The following KANK1 variants were observed in gnomAD, a reference collection of about 807,000 sequenced individuals.
The protein encoded by KANK1 is KN motif and ankyrin repeat domains 1.
KANK1 carries 109 observed loss-of-function variants against 106.2 expected under a neutral mutation model. The ratio of observed to expected loss-of-function variants is 1.03; its 90% CI spans 0.88 to 1.20. The LOEUF (loss-of-function observed/expected upper bound fraction) is 1.20. Ranked by LOEUF, KANK1 falls within the 50% of genes most tolerant of loss-of-function variation. The pLI is 0.00. For missense variants in KANK1, 2,399 were observed against 1,710.7 expected (o/e 1.40, Z -7.10); for synonymous variants, 873 against 652.2 (o/e 1.34, Z -5.16).
intron 1 of KANK1, among the ~76,000 whole-genome samples, chr9:664,575 A>G (rs1366747513): frequency 6.6e-6 from 1 of 152,086 alleles, no homozygotes; most frequent in African/African-American, 2.4e-5. Context: ...TTATTCATCC[A>G]TTGATGGACA....
In KANK1 at chr9:744,647, C is replaced by A. The variant is rs377595311; in HGVS notation, c.3996+58C>A. 1.3e-5 allele frequency: 21 copies of A among 1,613,492 alleles called. No homozygotes were observed. In the African/African-American group the frequency reaches 1.3e-4, roughly 10 times the overall value. On this transcript the variant is annotated intron_variant, in intron 11 of 11. Transcript: ENST00000382297. ...GCTGAAATCCACCAGACTGGTGGACCCCCTTCCTCCAGGAATTGACGGGAG... is the reference window on the plus strand; with the variant it reads ...GCTGAAATCCACCAGACTGGTGGACACCCTTCCTCCAGGAATTGACGGGAG...
Position 712,558 on chromosome 9 carries a change from A to C in KANK1, c.1792A>C (p.Ser598Arg). The part of the protein sequence containing the change: ...MCDKSVSVEV[S>R]VCETGSNTEE... The stretch of plus-strand genomic sequence containing the variant: ...TGACAAGAGTGTGAGTGTGGAAGTC[A>C]GCGTCTGCGAAACAGGCAGCAACAC... The change falls in exon 3 of 12, where the codon AGC (serine) becomes CGC (arginine). Residue 598 changes from serine (S) to arginine (R), a missense_variant. Transcript: ENST00000382297. 1.2e-6 allele frequency: 2 copies of C among 1,614,208 alleles called. No homozygotes were observed. Among genetic ancestry groups the C allele is most frequent in the Non-Finnish European group, 1.7e-6 (2 of 1,180,048 alleles).
chr9:675,132 G>A (rs1048322458), intron 1 of KANK1, among the ~76,000 whole-genome samples: 1 of 152,144 alleles, frequency 6.6e-6, no homozygotes, highest in African/African-American at 2.4e-5. Flanking sequence ...TCGTTTAAAT[G>A]TGTACATATA....
intron 3 of KANK1, among the ~76,000 whole-genome samples, chr9:724,059 C>T (rs1352565756): frequency 6.6e-6 from 1 of 151,914 alleles, no homozygotes; most frequent in Non-Finnish European, 1.5e-5. Context: ...AGAGATCACG[C>T]CACTGCACTC....
chr9:625,926 C>T (rs1428084674), intron 1 of KANK1, among the ~76,000 whole-genome samples: 1 of 152,090 alleles, frequency 6.6e-6, no homozygotes, highest in Non-Finnish European at 1.5e-5. Context: ...TCATCCTGAG[C>T]CTCTTATTCC....
intron 1 of KANK1, among the ~76,000 whole-genome samples, chr9:555,879 A>T (rs1487515229): frequency 6.6e-6 from 1 of 152,250 alleles, no homozygotes; most frequent in Non-Finnish European, 1.5e-5. Flanking sequence ...CTTCTGTTTA[A>T]ATAAAAACAA....
chr9:572,445 G>A (rs1004372639), intron 1 of KANK1, among the ~76,000 whole-genome samples: 3 of 152,070 alleles, frequency 2.0e-5, no homozygotes, highest in Non-Finnish European at 2.9e-5. Flanking sequence ...CCAGCTACTC[G>A]GGAAGCTGAG....
At chr9:486,584 G>T (rs1253470303) in intron 3 of KANK1, among the ~76,000 whole-genome samples, 2 of 152,076 alleles carry the variant, frequency 1.3e-5, no homozygotes, top group Non-Finnish European at 2.9e-5. Flanking sequence ...TTGGATGCAG[G>T]CACACTGGCT....
chr9:643,320 G>A (rs922462906), intron 1 of KANK1, among the ~76,000 whole-genome samples: 1 of 150,672 alleles, frequency 6.6e-6, no homozygotes, highest in South Asian at 2.1e-4. Flanking sequence ...TGTAGTTATT[G>A]TTTTAAGATC....
chr9:575,433 TG>T (rs979129129), intron 1 of KANK1, among the ~76,000 whole-genome samples: 8 of 143,374 alleles, frequency 5.6e-5, no homozygotes, highest in African/African-American at 2.1e-4. Context: ...TTTGGGAGAC[TG>T]AGCTGGGAGG....
chr9:641,031 A>G (rs1274663675), intron 1 of KANK1, among the ~76,000 whole-genome samples: 1 of 152,160 alleles, frequency 6.6e-6, no homozygotes, highest in Non-Finnish European at 1.5e-5. Context: ...GTGAAATTTT[A>G]AAAGAGAGAG....
chr9:473,270 G>A (rs1196989037), exon 3 of KANK1: 1 of 152,170 alleles, frequency 6.6e-6, no homozygotes, highest in African/African-American at 2.4e-5. Flanking sequence ...GACAGAATTT[G>A]AACGTGAGTC....
At chr9:604,686 C>T (rs11791403) in intron 1 of KANK1, among the ~76,000 whole-genome samples, 38,971 of 151,442 alleles carry the variant, frequency 0.26, 5,417 homozygotes, top group Admixed American at 0.34. Flanking sequence ...CAAAAATTAG[C>T]CGGGCGGGTG....
At chr9:572,132 T>A (rs7861777) in intron 1 of KANK1, among the ~76,000 whole-genome samples, 2 of 149,934 alleles carry the variant, frequency 1.3e-5, no homozygotes, top group African/African-American at 4.9e-5. Flanking sequence ...TCTTAACTTA[T>A]GGTTGTAATA....
chr9:570,479 C>G (rs1470499648), intron 1 of KANK1, among the ~76,000 whole-genome samples: 1 of 152,182 alleles, frequency 6.6e-6, no homozygotes, highest in Non-Finnish European at 1.5e-5. Context: ...AATCTGTGAC[C>G]TAGACCCTGT....
At chr9:722,872 G>A (rs1053663460) in intron 3 of KANK1, among the ~76,000 whole-genome samples, 4 of 152,152 alleles carry the variant, frequency 2.6e-5, no homozygotes, top group Non-Finnish European at 5.9e-5. Flanking sequence ...GTAGCAGGGA[G>A]GAACTCAAGA....
chr9:671,494 A>C lies in KANK1; in HGVS notation c.-83-5396A>C, dbSNP rs558333149. ...CCGCATCTCTACTGAAAATACAAAA[A>C]TTAGCTGGACGTGGTGGAGGCTGAG... On this transcript the variant is annotated intron_variant, in intron 1 of 11. Coordinates refer to ENST00000382297, the MANE Select transcript of KANK1 (RefSeq NM_015158.5). 4.7e-4 allele frequency among the ~76,000 whole-genome samples: 5 copies of C among 10,616 alleles called. No individual in the cohort carries two copies. In the South Asian group the frequency reaches 0.018, roughly 39 times the overall value. The allele number at this position is 10,616 out of a possible 152,430, so 7.0% of individuals were successfully genotyped here. A position where few individuals can be genotyped will look rare whatever the true frequency, so the allele number is the denominator to read the frequency against.
At chr9:541,965 T>G (rs2060629327) in intron 1 of KANK1, among the ~76,000 whole-genome samples, 1 of 150,896 alleles carries the variant, frequency 6.6e-6, no homozygotes, top group African/African-American at 2.4e-5. Context: ...AGCGGGCCCC[T>G]GTAGTCCCAG....
At chr9:640,316 G>A (rs1191524020) in intron 1 of KANK1, among the ~76,000 whole-genome samples, 3 of 151,732 alleles carry the variant, frequency 2.0e-5, no homozygotes, top group African/African-American at 7.3e-5. Flanking sequence ...GCTCTCTGCA[G>A]CCTCCACCTC....
Sources: gnomAD v4.1 joint callset for allele counts (sites outside exome capture counted in the v4.1 genomes callset) on GRCh38, gnomAD v4.1.1 for gene constraint, MANE v1.5 for transcripts, NCBI Gene and HGNC (gene_info 2026-07-23, HGNC 2026-07-21) for gene names.